The following DMD variants were observed in gnomAD, a reference collection of about 807,000 sequenced individuals.
DMD encodes mutant dystrophin.
Under a neutral mutation model 330.1 loss-of-function variants are expected in DMD, and 63 were observed. That is an observed-to-expected ratio of 0.19 (90% CI 0.16 to 0.24). The LOEUF (loss-of-function observed/expected upper bound fraction) is 0.24, where lower values mean the gene tolerates loss of function less well. Ranked by LOEUF, DMD falls within the 10% of genes least tolerant of loss-of-function variation. The pLI, the probability that DMD is intolerant of heterozygous loss-of-function variation, is 1.00. For missense variants in DMD, 3,344 were observed against 2,684.1 expected, an observed-to-expected ratio of 1.25 and a Z score of -5.43; for synonymous variants, 1,223 against 959.8, an observed-to-expected ratio of 1.27 and a Z score of -5.07.
At chrX:32,569,532 G>A (rs1178791624) in intron 15 of DMD, among the ~76,000 whole-genome samples, 1 of 111,607 alleles carries the variant, frequency 9.0e-6, no homozygotes, top group Admixed American at 9.5e-5. Context: ...GTCTGAAGAT[G>A]GCCTAACAAT....
intron 41 of DMD, among the ~76,000 whole-genome samples, chrX:32,328,026 A>C (rs2097660018): frequency 9.0e-6 from 1 of 111,701 alleles, no homozygotes; most frequent in East Asian, 2.8e-4. Context: ...TAATTAACTA[A>C]AATGATGAAC....
intron 2 of DMD, among the ~76,000 whole-genome samples, chrX:32,897,043 A>G (rs1025344163): frequency 1.1e-4 from 12 of 111,810 alleles, no homozygotes; most frequent in African/African-American, 3.6e-4. Flanking sequence ...GCACCTGAAT[A>G]ACAGCAATTA....
At chrX:33,133,871 C>T (rs180742267) in intron 1 of DMD, among the ~76,000 whole-genome samples, 45 of 111,734 alleles carry the variant, frequency 4.0e-4, no homozygotes, top group African/African-American at 1.2e-3. Context: ...ATTTTGATTG[C>T]ATATCTTTCC....
At chrX:33,046,202 T>G (rs997672156) in intron 1 of DMD, among the ~76,000 whole-genome samples, 5 of 111,205 alleles carry the variant, frequency 4.5e-5, no homozygotes, top group African/African-American at 1.6e-4. Context: ...ACCTGAAAAG[T>G]CACTGAATTT....
chrX:31,500,629 T>C (rs1216265959), intron 56 of DMD, among the ~76,000 whole-genome samples: 2 of 112,466 alleles, frequency 1.8e-5, no homozygotes, highest in Non-Finnish European at 3.8e-5. Context: ...TTAACCTATG[T>C]TTGCATGTGG....
intron 43 of DMD, among the ~76,000 whole-genome samples, chrX:32,255,769 C>T (rs974630567): frequency 6.2e-5 from 7 of 112,004 alleles, no homozygotes; most frequent in Non-Finnish European, 1.3e-4. Context: ...CTAAATCTAT[C>T]TCATCACAAA....
intron 52 of DMD, among the ~76,000 whole-genome samples, chrX:31,708,791 C>T (rs766196071): frequency 2.9e-4 from 33 of 112,104 alleles, no homozygotes; most frequent in Non-Finnish European, 5.5e-4. Flanking sequence ...ATGATAGACA[C>T]TAAAGTGTTT....
chrX:31,575,161 G>C (rs909160317), intron 55 of DMD, among the ~76,000 whole-genome samples: 1 of 111,649 alleles, frequency 9.0e-6, no homozygotes, highest in East Asian at 2.8e-4. Context: ...GGCCAATCTA[G>C]CTATTTAAAA....
chrX:32,631,999 C>G lies in DMD; in HGVS notation c.1331+12133G>C, dbSNP rs982265175. 4.4e-4 allele frequency among the ~76,000 whole-genome samples: 49 copies of G among 111,445 alleles called. 1 individual carries two copies. The highest frequency in any genetic ancestry group is 5.6e-5 in the Non-Finnish European group (3 of 53,137). ...AGGTCTTTACTTATTCCAGAATTAACTCAAAAGTCCGGAGTCTCATCTGAG... is the reference window on the plus strand; with the variant it reads ...AGGTCTTTACTTATTCCAGAATTAAGTCAAAAGTCCGGAGTCTCATCTGAG... On this transcript the variant is annotated intron_variant, in intron 11 of 78. Coordinates refer to ENST00000357033, the MANE Select transcript of DMD (RefSeq NM_004006.3).
chrX:32,930,537 C>T (rs1290862874), intron 2 of DMD, among the ~76,000 whole-genome samples: 1 of 110,790 alleles, frequency 9.0e-6, no homozygotes, highest in Admixed American at 9.7e-5. Context: ...TAAATGCCTT[C>T]ACAATCTAAT....
intron 4 of DMD, among the ~76,000 whole-genome samples, chrX:32,826,867 CAT>C (rs977129596): frequency 1.3e-4 from 14 of 110,829 alleles, no homozygotes; most frequent in Admixed American, 2.9e-4. Flanking sequence ...AAATGATAAA[CAT>C]ATAAGTTAAT....
At chrX:33,088,542 T>C (rs1276713651) in intron 1 of DMD, among the ~76,000 whole-genome samples, 1 of 110,928 alleles carries the variant, frequency 9.0e-6, no homozygotes, top group Non-Finnish European at 1.9e-5. Context: ...TAGAGAGCTA[T>C]GGATTCTTTA....
chrX:32,580,232 T>C (rs1405954493), intron 13 of DMD, among the ~76,000 whole-genome samples: 2 of 111,482 alleles, frequency 1.8e-5, no homozygotes, highest in African/African-American at 6.5e-5. Flanking sequence ...CTCCTTGAGG[T>C]GGGCTCCTTA....
chrX:32,017,386 G>A (rs2095770841), intron 44 of DMD, among the ~76,000 whole-genome samples: 2 of 111,834 alleles, frequency 1.8e-5, no homozygotes, highest in African/African-American at 6.5e-5. Flanking sequence ...ATGTATTTCA[G>A]GTCAACAAAC....
intron 25 of DMD, among the ~76,000 whole-genome samples, chrX:32,458,154 C>G (rs931793432): frequency 1.8e-5 from 2 of 110,625 alleles, no homozygotes; most frequent in African/African-American, 6.6e-5. Context: ...ATCACACAGG[C>G]AGTTTATGAT....
chrX:31,175,241 T>C (rs561808977), intron 71 of DMD, among the ~76,000 whole-genome samples: 11 of 111,456 alleles, frequency 9.9e-5, no homozygotes, highest in African/African-American at 3.6e-4. Context: ...ACATTAGTAG[T>C]GTTTTCCCTT....
intron 55 of DMD, among the ~76,000 whole-genome samples, chrX:31,579,683 CT>C (rs1242281661): frequency 1.8e-5 from 2 of 112,228 alleles, no homozygotes; most frequent in African/African-American, 6.5e-5. Flanking sequence ...ACAAAATGAG[CT>C]GATTTTAAGA....
At chrX:32,689,829 T>G (rs1048792267) in intron 9 of DMD, among the ~76,000 whole-genome samples, 3 of 111,109 alleles carry the variant, frequency 2.7e-5, no homozygotes, top group African/African-American at 9.8e-5. Flanking sequence ...AAAACTTGTT[T>G]GGCAAAATTC....
In DMD at chrX:33,261,253, T is replaced by A. The variant is rs769380862; in HGVS notation, c.7+78006A>T. On this transcript the variant is annotated intron_variant, in intron 1 of 17. Transcript: ENST00000288447. ...AACATTTAAACCTCTTCAGTTAAGATGGCATGGAAATTTCATGACTTGACA... is the reference window on the plus strand; with the variant it reads ...AACATTTAAACCTCTTCAGTTAAGAAGGCATGGAAATTTCATGACTTGACA... Among the ~76,000 whole-genome samples the A allele has an allele frequency of 2.7e-5, 3 of 110,985 alleles. No homozygotes were observed. The Admixed American group carries it at 2.9e-4, about 11-fold the overall frequency.
Sources: gnomAD v4.1 joint callset for allele counts (sites outside exome capture counted in the v4.1 genomes callset) on GRCh38, gnomAD v4.1.1 for gene constraint, MANE v1.5 for transcripts, NCBI Gene and HGNC (gene_info 2026-07-23, HGNC 2026-07-21) for gene names.